Variants in XIRP2 observed in about 807,000 individuals in gnomAD.
The protein encoded by XIRP2 is xin actin-binding repeat-containing protein 2.
A neutral mutation model predicts 277.0 loss-of-function variants in XIRP2; 236 were observed. That is an observed-to-expected ratio of 0.85 (90% CI 0.77 to 0.95). XIRP2 has a LOEUF of 0.95. Ranked by LOEUF, XIRP2 falls within the 40% of genes least tolerant of loss-of-function variation. The pLI is 0.00. For missense variants in XIRP2, 4,640 were observed against 4,157.5 expected (o/e 1.12, Z -3.19); for synonymous variants, 1,490 against 1,416.5 (o/e 1.05, Z -1.17).
chr2:167,014,049 C>T (rs1687756513), intron 2 of XIRP2, among the ~76,000 whole-genome samples: 1 of 151,370 alleles, frequency 6.6e-6, no homozygotes, highest in Non-Finnish European at 1.5e-5. Flanking sequence ...ATTAATCTAG[C>T]AGTAACAATT....
intron 3 of XIRP2, among the ~76,000 whole-genome samples, chr2:167,194,849 G>C (rs558378656): frequency 6.6e-6 from 1 of 152,168 alleles, no homozygotes; most frequent in East Asian, 1.9e-4. Context: ...TCTTTATAAA[G>C]TTCTAAAGCA....
chr2:167,010,793 G>A (rs985509216), intron 2 of XIRP2, among the ~76,000 whole-genome samples: 1 of 152,012 alleles, frequency 6.6e-6, no homozygotes, highest in African/African-American at 2.4e-5. Context: ...CACGTCCCTT[G>A]TAAGTTGGAT....
rs545633627 is a variant in XIRP2, at chr2:166,941,427, C to T, written c.408+37537C>T. On this transcript the variant is annotated intron_variant, in intron 2 of 10. Transcript: ENST00000409195. ...CGATGCCTCGCCCTGCTTTGGCTCA[C>T]GCTCAGTGGGCTATATCCACTGTCC... Among the ~76,000 whole-genome samples the T allele has an allele frequency of 2.8e-4, 43 of 152,356 alleles. 1 individual carries two copies. Among genetic ancestry groups the T allele is most frequent in the African/African-American group, 3.4e-4 (14 of 41,578 alleles).
In XIRP2 at chr2:167,243,896, G is replaced by T; in HGVS notation, c.2504G>T (p.Gly835Val). ...ATCATTGAAAAGGAAAAAATAATAG[G>T]TACAGATGTCTCCAGAAAGTGTTGG... ...EVIIEKEKII[G>V]TDVSRKCWMF... The change falls in exon 9 of 11, where the codon GGT (glycine) becomes GTT (valine). Residue 835 changes from glycine (G) to valine (V), a missense_variant. Physicochemically the swap from Gly to Val is moderately radical, Grantham distance 109. Transcript: ENST00000409195. 6.2e-7 allele frequency: 1 copy of T among 1,613,840 alleles called. No homozygotes were observed. Among genetic ancestry groups the T allele is most frequent in the East Asian group, 2.2e-5 (1 of 44,846 alleles).
chr2:167,240,430 G>A (rs550481952), intron 6 of XIRP2, among the ~76,000 whole-genome samples: 61 of 152,130 alleles, frequency 4.0e-4, no homozygotes, highest in African/African-American at 1.3e-3. Flanking sequence ...ATAAATAAAT[G>A]AATGTAAAAT....
chr2:167,133,960 G>GA (rs1321307862), intron 2 of XIRP2, among the ~76,000 whole-genome samples: 1 of 151,988 alleles, frequency 6.6e-6, no homozygotes, highest in Non-Finnish European at 1.5e-5. Context: ...GGAATGCCCT[G>GA]AAAAAAATGA....
At chr2:166,908,228 C>A (rs1443369704) in intron 2 of XIRP2, among the ~76,000 whole-genome samples, 1 of 152,182 alleles carries the variant, frequency 6.6e-6, no homozygotes, top group African/African-American at 2.4e-5. Context: ...TACAGTCCCA[C>A]CAACAGTGTA....
At chr2:167,192,581 T>C (rs570359762) in intron 3 of XIRP2, among the ~76,000 whole-genome samples, 2 of 152,340 alleles carry the variant, frequency 1.3e-5, no homozygotes, top group South Asian at 4.1e-4. Flanking sequence ...GGTCATATTA[T>C]CAAATTGGTA....
At chr2:167,111,562 T>C (rs1417785353) in intron 2 of XIRP2, among the ~76,000 whole-genome samples, 1 of 152,194 alleles carries the variant, frequency 6.6e-6, no homozygotes, top group Non-Finnish European at 1.5e-5. Flanking sequence ...AATATGCTGC[T>C]GGATTTGGTT....
chr2:167,131,950 G>C (rs1239694062), intron 2 of XIRP2, among the ~76,000 whole-genome samples: 1 of 151,934 alleles, frequency 6.6e-6, no homozygotes, highest in African/African-American at 2.4e-5. Flanking sequence ...ATTTTGTTGT[G>C]CATGCCATAG....
intron 2 of XIRP2, among the ~76,000 whole-genome samples, chr2:167,123,712 T>C (rs1472744241): frequency 6.6e-6 from 1 of 152,080 alleles, no homozygotes; most frequent in African/African-American, 2.4e-5. Flanking sequence ...TGGGTCCAAA[T>C]TTCTTCTGAT....
intron 2 of XIRP2, among the ~76,000 whole-genome samples, chr2:167,094,375 C>G (rs1252936768): frequency 6.6e-6 from 1 of 152,162 alleles, no homozygotes; most frequent in African/African-American, 2.4e-5. Context: ...GTGTTTCAGT[C>G]ATGAAGTCTT....
intron 3 of XIRP2, among the ~76,000 whole-genome samples, chr2:167,142,304 C>T (rs1238318638): frequency 6.6e-6 from 1 of 152,116 alleles, no homozygotes; most frequent in Non-Finnish European, 1.5e-5. Flanking sequence ...AATCCCAAAA[C>T]TTTGGGAGGC....
chr2:167,015,439 T>TATCTATCTA (rs1687795606), intron 2 of XIRP2, among the ~76,000 whole-genome samples: 1 of 151,310 alleles, frequency 6.6e-6, no homozygotes, highest in Non-Finnish European at 1.5e-5. Context: ...TCTATCTATC[T>TATCTATCTA]ATCTATCTAT....
chr2:166,914,148 A>G lies in XIRP2; in HGVS notation c.408+10258A>G, dbSNP rs1684794161. 2.0e-5 allele frequency among the ~76,000 whole-genome samples: 3 copies of G among 152,192 alleles called. No individual in the cohort carries two copies. In the South Asian group the frequency reaches 6.2e-4, roughly 31 times the overall value. On this transcript the variant is annotated intron_variant, in intron 2 of 10. Coordinates refer to ENST00000409195, the MANE Select transcript of XIRP2 (RefSeq NM_152381.6). The stretch of plus-strand genomic sequence containing the variant: ...TCAGATTGAGAGAGTCGGAGGAGTT[A>G]TGATGAAAGAAGCAAAGGCTGACAT...
At chr2:167,013,513 G>A (rs1049472685) in intron 2 of XIRP2, among the ~76,000 whole-genome samples, 1 of 151,410 alleles carries the variant, frequency 6.6e-6, no homozygotes, top group Admixed American at 6.6e-5. Flanking sequence ...CTTCTGGTTA[G>A]CAAGGTTCTT....
chr2:167,107,214 A>G (rs955092857), intron 2 of XIRP2, among the ~76,000 whole-genome samples: 1 of 151,794 alleles, frequency 6.6e-6, no homozygotes, highest in Admixed American at 6.6e-5. Context: ...ATTGGCCATA[A>G]CTTCCAATAC....
At chr2:167,029,680 G>C (rs1392478739) in intron 2 of XIRP2, among the ~76,000 whole-genome samples, 4 of 152,040 alleles carry the variant, frequency 2.6e-5, no homozygotes, top group Non-Finnish European at 5.9e-5. Flanking sequence ...TTGTTGTTGT[G>C]TCTCTACCAG....
intron 1 of XIRP2, among the ~76,000 whole-genome samples, chr2:166,893,185 G>T (rs947424871): frequency 4.6e-5 from 7 of 151,900 alleles, no homozygotes; most frequent in African/African-American, 1.7e-4. Context: ...ATAAATATTA[G>T]AGTAACTGGT....
Sources: allele counts gnomAD v4.1 joint callset (sites outside exome capture counted in the v4.1 genomes callset), GRCh38; gene constraint gnomAD v4.1.1; transcripts MANE v1.5; gene names NCBI Gene and HGNC (gene_info 2026-07-23, HGNC 2026-07-21).